TP53BP1: variants seen among roughly 807,000 people sequenced by gnomAD.
The protein encoded by TP53BP1 is TP53-binding protein 1.
Under a neutral mutation model 200.8 loss-of-function variants are expected in TP53BP1, and 61 were observed. That is an observed-to-expected ratio of 0.30 (90% confidence interval 0.25 to 0.38). The LOEUF (loss-of-function observed/expected upper bound fraction) is 0.38, where lower values mean the gene tolerates loss of function less well. TP53BP1 is among the 10% of genes least tolerant of loss of function. The probability of loss-of-function intolerance (pLI) is 1.00; values close to 1 mark genes in which losing one functional copy is unlikely to be tolerated. For synonymous variants in TP53BP1, 822 were observed against 844.3 expected (o/e 0.97, Z 0.46); for missense variants, 2,144 against 2,371.9 (o/e 0.90, Z 2.00).
intron 1 of TP53BP1, among the ~76,000 whole-genome samples, chr15:43,504,302 C>T (rs141095031): frequency 6.6e-6 from 1 of 152,226 alleles, no homozygotes; most frequent in East Asian, 1.9e-4. Context: ...TGTGACCCAC[C>T]GTGCCTGGCC....
In TP53BP1 at chr15:43,435,981, C is replaced by T. The variant is rs535671692; in HGVS notation, c.3191+2343G>A. 9.7e-4 allele frequency among the ~76,000 whole-genome samples: 147 copies of T among 152,030 alleles called. 2 individuals carry two copies. The highest frequency in any genetic ancestry group is 3.4e-3 in the Middle Eastern group (1 of 294). ...AAAGTGCTGGGATTACAGGTGTGAGCCACCCCATCCAGTCTTTTTTTTTTT... is the reference window on the plus strand; with the variant it reads ...AAAGTGCTGGGATTACAGGTGTGAGTCACCCCATCCAGTCTTTTTTTTTTT... On this transcript the variant is annotated intron_variant, in intron 16 of 27. Coordinates refer to ENST00000382044, the MANE Select transcript of TP53BP1 (RefSeq NM_001141980.3).
intron 13 of TP53BP1, 123 bp from the exon 14 acceptor site, chr15:43,446,713 C>G: frequency 6.5e-7 from 1 of 1,534,418 alleles, no homozygotes; most frequent in Non-Finnish European, 8.7e-7. Flanking sequence ...GAAGGAGGTT[C>G]CTAGGATAGA....
At chr15:43,441,762 C>A (rs1030145405) in intron 14 of TP53BP1, among the ~76,000 whole-genome samples, 179 bp from the exon 15 acceptor site, 6 of 152,076 alleles carry the variant, frequency 3.9e-5, no homozygotes, top group Non-Finnish European at 8.8e-5. Flanking sequence ...TTATTTATTT[C>A]TTTATTTTGA....
chr15:43,497,599 T>A (rs2140170759), upstream of TP53BP1: 1 of 231,880 alleles, frequency 4.3e-6, no homozygotes, highest in Non-Finnish European at 7.1e-6. Flanking sequence ...CTTGAAAACA[T>A]TATGCTAAGT....
chr15:43,484,163 C>A (rs2079013776), intron 4 of TP53BP1, among the ~76,000 whole-genome samples: 2 of 152,176 alleles, frequency 1.3e-5, no homozygotes, highest in Admixed American at 1.3e-4. Context: ...TTGCTCAAAT[C>A]AAAAACTTGG....
chr15:43,477,659 G>C lies in TP53BP1; in HGVS notation c.889C>G (p.Gln297Glu), dbSNP rs773925476. 15 of 1,613,824 alleles carry C rather than the reference G, an allele frequency of 9.3e-6. 1 individual carries two copies. In the South Asian group the frequency reaches 1.5e-4, roughly 17 times the overall value. ...AAAACCTCAGGCTCTGGTGACTTCTGAATCTGCAGTCCACTTTCCATAAGT... is the reference window on the plus strand; with the variant it reads ...AAAACCTCAGGCTCTGGTGACTTCTCAATCTGCAGTCCACTTTCCATAAGT... The part of the protein sequence containing the change: ...QELMESGLQI[Q>E]KSPEPEVLST... Residue 297 changes from glutamine to glutamate, a missense_variant, in exon 8 of 28, where the codon CAG becomes GAG. Gln to Glu is a conservative substitution (Grantham distance 29). Transcript: ENST00000382044.
chr15:43,458,485 G>A (rs1391225606), intron 11 of TP53BP1, among the ~76,000 whole-genome samples: 5 of 151,714 alleles, frequency 3.3e-5, no homozygotes, highest in Admixed American at 3.3e-4. Flanking sequence ...AAACAGTCAG[G>A]CATCGTGGCT....
In TP53BP1 at chr15:43,493,135, C is replaced by T. The variant is rs2079153559; in HGVS notation, c.-92G>A. On this transcript the variant is annotated 5_prime_UTR_variant, in exon 1 of 28. Coordinates refer to ENST00000382044, the MANE Select transcript of TP53BP1 (RefSeq NM_001141980.3). Reference sequence around the variant, plus strand: ...ATCCCTAGGTCGCCGCTGTCGCCACCGCCGCCACCGGCCGCGAACTCCCCC... The same window carrying T: ...ATCCCTAGGTCGCCGCTGTCGCCACTGCCGCCACCGGCCGCGAACTCCCCC... 3 of 1,584,156 alleles carry T rather than the reference C, an allele frequency of 1.9e-6. No individual in the cohort carries two copies. Among genetic ancestry groups the T allele is most frequent in the Admixed American group, 1.8e-5 (1 of 56,118 alleles).
chr15:43,479,744 A>G, intron 6 of TP53BP1, 115 bp downstream of exon 6: 1 of 1,347,722 alleles, frequency 7.4e-7, no homozygotes, highest in Non-Finnish European at 1.0e-6. Flanking sequence ...AACCTTACTA[A>G]ATTACTTAGA....
rs1448138376 is a variant in TP53BP1 at position 43,407,970 on chromosome 15, G to C, written c.5719C>G (p.Gln1907Glu). The part of the protein sequence containing the change: ...LMTGGAASVK[Q>E]HHSSAHNKDI... ...TTGTTATGGGCACTTGAATGGTGCT[G>C]CTTCACAGAGGCTGCACCACCAGTC... Residue 1907 changes from glutamine (Q) to glutamate (E), a missense_variant, in exon 27 of 28, where the codon CAG (glutamine) becomes GAG (glutamate). Coordinates refer to ENST00000382044, the MANE Select transcript of TP53BP1 (RefSeq NM_001141980.3). 3.1e-6 allele frequency: 5 copies of C among 1,613,728 alleles called. No individual in the cohort carries two copies. Among genetic ancestry groups the C allele is most frequent in the Non-Finnish European group, 4.2e-6 (5 of 1,179,998 alleles).
At chr15:43,421,545 C>T in intron 19 of TP53BP1, 1 of 490,342 alleles carries the variant, frequency 2.0e-6, no homozygotes, top group Admixed American at 3.7e-5. Flanking sequence ...TTCCTGTACT[C>T]CCAACTAAAT....
In TP53BP1 at chr15:43,404,273, A is replaced by G; in HGVS notation, c.*3110T>C. 1 of 940,256 alleles carries G rather than the reference A, an allele frequency of 1.1e-6. No individual in the cohort carries two copies. Among genetic ancestry groups the G allele is most frequent in the South Asian group, 1.8e-5 (1 of 55,804 alleles). 58.2% of individuals were successfully genotyped at this position (940,256 alleles called of 1,614,324 possible). A position where few individuals can be genotyped will look rare whatever the true frequency, so the allele number is the denominator to read the frequency against. ...ACAAGTCATTTTAGGAACTAATAGA[A>G]ATAGGAATGTGGGAAGGCCAGGTGG... is the stretch of plus-strand genomic sequence containing the variant. On this transcript the variant is annotated 3_prime_UTR_variant, in exon 28 of 28. Transcript: ENST00000382044.
chr15:43,470,840 TAAC>T (rs563812710), intron 10 of TP53BP1, among the ~76,000 whole-genome samples: 31 of 152,176 alleles, frequency 2.0e-4, no homozygotes, highest in Non-Finnish European at 2.5e-4. Context: ...CACAAACTAC[TAAC>T]AACATTTACC....
chr15:43,444,400 C>G lies in TP53BP1; in HGVS notation c.3040+1987G>C, dbSNP rs144671610. On this transcript the variant is annotated intron_variant, in intron 14 of 27. Transcript: ENST00000382044. ...GGGATTATAGAAGCGCACCAACCAC[C>G]ATGCCTGGCAATAAGCCCTTATTTA... 9.0e-4 allele frequency among the ~76,000 whole-genome samples: 137 copies of G among 152,292 alleles called. 1 individual carries two copies. The highest frequency in any genetic ancestry group is 3.1e-3 in the African/African-American group (127 of 41,560).
chr15:43,479,409 G>A lies in TP53BP1; in HGVS notation c.776C>T (p.Pro259Leu). ...KDVHVVKEQN[P>L]PPARSEDMPF... Reference sequence around the variant, plus strand: ...AAGTTCGGCTTACCTTGCAGGTGGTGGATTTTGCTCTTTTACAACATGTAC... The same window carrying A: ...AAGTTCGGCTTACCTTGCAGGTGGTAGATTTTGCTCTTTTACAACATGTAC... Residue 259 changes from proline to leucine, a missense_variant, in exon 7 of 28, where the codon CCA (proline) becomes CTA (leucine). By Grantham distance (98) the Pro-to-Leu change is moderately conservative. Coordinates refer to ENST00000382044, the MANE Select transcript of TP53BP1 (RefSeq NM_001141980.3). 1.2e-6 allele frequency: 2 copies of A among 1,604,434 alleles called. No homozygotes were observed. Among genetic ancestry groups the A allele is most frequent in the Non-Finnish European group, 1.7e-6 (2 of 1,176,154 alleles).
rs957984982 is a variant in TP53BP1, at chr15:43,490,388, CT to C, written c.371+1280del. Reference sequence around the variant, plus strand: ...CAGGTGTGAGCTACCACACCCAGTCCTTTTTTTTTTTCTTTTGTAGAGACAG... The same window carrying C: ...CAGGTGTGAGCTACCACACCCAGTCCTTTTTTTTTTCTTTTGTAGAGACAG... On this transcript the variant is annotated intron_variant, in intron 4 of 27. Coordinates refer to ENST00000382044, the MANE Select transcript of TP53BP1 (RefSeq NM_001141980.3). Among the ~76,000 whole-genome samples the C allele has an allele frequency of 4.3e-4, 62 of 145,724 alleles. No individual in the cohort carries two copies. In the East Asian group the frequency reaches 5.2e-3, roughly 12 times the overall value.
Position 43,456,344 on chromosome 15 carries a change from G to T in TP53BP1, c.2264C>A (p.Thr755Asn), listed in dbSNP as rs745362536. 1.9e-6 allele frequency: 3 copies of T among 1,612,454 alleles called. No homozygotes were observed. The highest frequency in any genetic ancestry group is 1.3e-5 in the African/African-American group (1 of 74,874). The change falls in exon 12 of 28, where the codon ACT becomes AAT. Residue 755 changes from threonine (T) to asparagine (N), a missense_variant. Coordinates refer to ENST00000382044, the MANE Select transcript of TP53BP1 (RefSeq NM_001141980.3). ...HKEQEAWEEA[T>N]SEDSSVVIVD... The stretch of plus-strand genomic sequence containing the variant: ...AATGACAACACTGGAGTCCTCTGAA[G>T]TAGCTTCTTCCCAAGCTTCCTGTTC...
intron 4 of TP53BP1, among the ~76,000 whole-genome samples, chr15:43,488,922 C>T (rs374016600): frequency 2.0e-5 from 3 of 152,208 alleles, no homozygotes; most frequent in Non-Finnish European, 4.4e-5. Context: ...GAAGAGATTT[C>T]ATTCTTTTGG....
intron 1 of TP53BP1, among the ~76,000 whole-genome samples, chr15:43,499,154 T>C (rs941593576): frequency 6.6e-6 from 1 of 152,164 alleles, no homozygotes; most frequent in Admixed American, 6.5e-5. Context: ...AGGACACCAC[T>C]GTGTCCTAGT....
Sources: gnomAD v4.1 joint callset for allele counts (sites outside exome capture counted in the v4.1 genomes callset) on GRCh38, gnomAD v4.1.1 for gene constraint, MANE v1.5 for transcripts, NCBI Gene and HGNC (gene_info 2026-07-23, HGNC 2026-07-21) for gene names.